The following FAM227B variants were observed in gnomAD, a reference collection of about 807,000 sequenced individuals.
FAM227B encodes the protein family with sequence similarity 227 member B.
Under a neutral mutation model 73.8 loss-of-function variants are expected in FAM227B, and 88 were observed. The ratio of observed to expected loss-of-function variants is 1.19; its 90% confidence interval spans 1.00 to 1.42. The LOEUF (loss-of-function observed/expected upper bound fraction) is 1.42. Ranked by LOEUF, FAM227B falls within the 40% of genes most tolerant of loss-of-function variation. The pLI is 0.00. For synonymous variants in FAM227B, 210 were observed against 190.5 expected (o/e 1.10, Z -0.84); for missense variants, 632 against 590.9 (o/e 1.07, Z -0.72).
At chr15:49,433,166 T>C (rs539836519) in intron 11 of FAM227B, among the ~76,000 whole-genome samples, 16 of 151,566 alleles carry the variant, frequency 1.1e-4, no homozygotes, top group East Asian at 3.9e-4. Flanking sequence ...AAATCAATTA[T>C]TTGAGATTTT....
intron 3 of FAM227B, among the ~76,000 whole-genome samples, chr15:49,593,544 G>A (rs776331609): frequency 9.2e-5 from 14 of 151,920 alleles, no homozygotes; most frequent in Non-Finnish European, 1.6e-4. Context: ...CCTATCACCC[G>A]AGCAGTATAC....
intron 10 of FAM227B, among the ~76,000 whole-genome samples, chr15:49,526,994 C>A (rs1215547957): frequency 6.6e-6 from 1 of 151,852 alleles, no homozygotes; most frequent in African/African-American, 2.4e-5. Flanking sequence ...ATTGAAACTA[C>A]TCCAAAACAT....
intron 11 of FAM227B, among the ~76,000 whole-genome samples, chr15:49,442,640 T>G (rs2051776285): frequency 6.6e-6 from 1 of 151,678 alleles, no homozygotes; most frequent in South Asian, 2.1e-4. Context: ...ACTCACTAAT[T>G]ACATGAATGC....
chr15:49,443,308 T>G (rs1385701662), intron 11 of FAM227B, among the ~76,000 whole-genome samples: 1 of 151,668 alleles, frequency 6.6e-6, no homozygotes, highest in Non-Finnish European at 1.5e-5. Flanking sequence ...TTGAGGTTAT[T>G]TCTAATGTAT....
Position 49,500,572 on chromosome 15 carries a change from C to T in FAM227B, c.1012+7639G>A, listed in dbSNP as rs542822312. Among the ~76,000 whole-genome samples the T allele has an allele frequency of 1.1e-4, 17 of 152,152 alleles. No homozygotes were observed. In the East Asian group the frequency reaches 1.2e-3, roughly 10 times the overall value. On this transcript the variant is annotated intron_variant, in intron 11 of 15. Transcript: ENST00000299338. ...TAGCTAAATACCAGTATATAACTCA[C>T]GAGAATAGCTAAAATTAAAAAGACC...
chr15:49,426,947 T>C (rs1159001840), intron 11 of FAM227B, among the ~76,000 whole-genome samples: 1 of 152,040 alleles, frequency 6.6e-6, no homozygotes, highest in East Asian at 1.9e-4. Context: ...GTTATGTGGC[T>C]ATCTTATTGG....
chr15:49,398,285 C>A (rs982688429), intron 11 of FAM227B, among the ~76,000 whole-genome samples: 1 of 151,312 alleles, frequency 6.6e-6, no homozygotes, highest in African/African-American at 2.4e-5. Context: ...ATCAATTCAA[C>A]AAGAAGAGCT....
At chr15:49,577,174 G>T in intron 6 of FAM227B, 1 of 282,950 alleles carries the variant, frequency 3.5e-6, no homozygotes, top group Non-Finnish European at 6.9e-6. Context: ...GCACGTGCCT[G>T]TAATCACAGC....
intron 11 of FAM227B, among the ~76,000 whole-genome samples, chr15:49,380,156 A>T (rs1567182664): frequency 6.6e-6 from 1 of 151,720 alleles, no homozygotes; most frequent in Non-Finnish European, 1.5e-5. Flanking sequence ...CCCCATAGCC[A>T]CTGACACCCC....
At chr15:49,366,669 G>A (rs1567162816) in intron 13 of FAM227B, 3 of 1,524,020 alleles carry the variant, frequency 2.0e-6, no homozygotes, top group Non-Finnish European at 1.8e-6. Flanking sequence ...GGGGACAGCC[G>A]CCGCTGCGGC....
chr15:49,365,821 C>A, intron 13 of FAM227B: 1 of 871,408 alleles, frequency 1.1e-6, no homozygotes, highest in Non-Finnish European at 2.0e-6. Flanking sequence ...AAACATAAGT[C>A]TCACTTCCAT....
intron 11 of FAM227B, among the ~76,000 whole-genome samples, chr15:49,507,212 T>A (rs935020077): frequency 6.6e-6 from 1 of 151,994 alleles, no homozygotes; most frequent in Non-Finnish European, 1.5e-5. Context: ...GATAAGAATA[T>A]AGAAAACCAC....
At chr15:49,594,626 T>G (rs2076787530) in intron 3 of FAM227B, among the ~76,000 whole-genome samples, 1 of 152,238 alleles carries the variant, frequency 6.6e-6, no homozygotes, top group Non-Finnish European at 1.5e-5. Context: ...GGATCCAGTT[T>G]CATCCTTTTA....
At chr15:49,380,318 C>A (rs765227355) in intron 11 of FAM227B, among the ~76,000 whole-genome samples, 1 of 152,170 alleles carries the variant, frequency 6.6e-6, no homozygotes, top group Non-Finnish European at 1.5e-5. Context: ...GAAATGCTGT[C>A]CAAGAGTCAA....
intron 11 of FAM227B, among the ~76,000 whole-genome samples, chr15:49,495,990 T>G (rs1464099695): frequency 1.3e-5 from 2 of 152,052 alleles, no homozygotes; most frequent in Admixed American, 6.6e-5. Flanking sequence ...ACCACTGCAC[T>G]TCAGCCTGGG....
chr15:49,599,977 T>C (rs1358599629), intron 3 of FAM227B, among the ~76,000 whole-genome samples: 1 of 148,724 alleles, frequency 6.7e-6, no homozygotes, highest in East Asian at 1.9e-4. Flanking sequence ...TTTCTCTCCA[T>C]ATGATCTATC....
chr15:49,603,849 G>T (rs2077353209), intron 3 of FAM227B, among the ~76,000 whole-genome samples: 1 of 151,994 alleles, frequency 6.6e-6, no homozygotes, highest in South Asian at 2.1e-4. Context: ...GTTTTTTGAG[G>T]ATTTTTATCT....
rs1469039152 is a variant in FAM227B at position 49,489,821 on chromosome 15, TTTATA to T, written c.1012+18385_1012+18389del. ...ATATATTTTATATATATATATATAT[TTTATA>T]TATATATATATATTTTATATATATA... On this transcript the variant is annotated intron_variant, in intron 11 of 15. Transcript: ENST00000299338. Among the ~76,000 whole-genome samples the T allele has an allele frequency of 8.6e-3, 239 of 27,922 alleles. 19 individuals carry two copies. Among genetic ancestry groups the T allele is most frequent in the East Asian group, 0.022 (26 of 1,160 alleles). The allele number at this position is 27,922 out of a possible 152,430, so 18.3% of individuals were successfully genotyped here.
intron 3 of FAM227B, among the ~76,000 whole-genome samples, chr15:49,594,007 C>G (rs2076744012): frequency 6.6e-6 from 1 of 152,182 alleles, no homozygotes; most frequent in African/African-American, 2.4e-5. Flanking sequence ...AATCTCCATA[C>G]TGTTTTCCAT....
Sources: gnomAD v4.1 joint callset for allele counts (sites outside exome capture counted in the v4.1 genomes callset) on GRCh38, gnomAD v4.1.1 for gene constraint, MANE v1.5 for transcripts, NCBI Gene and HGNC (gene_info 2026-07-23, HGNC 2026-07-21) for gene names.